ATF6: variants seen among roughly 807,000 people sequenced by gnomAD.
ATF6 encodes activating transcription factor 6.
ATF6 carries 53 observed loss-of-function variants against 83.6 expected under a neutral mutation model. The observed-to-expected ratio is 0.63, with a 90% CI of 0.51 to 0.80. ATF6 has a LOEUF of 0.80. Ranked by LOEUF, ATF6 falls within the 30% of genes least tolerant of loss-of-function variation. The pLI is 0.00. For missense variants in ATF6, 744 were observed against 797.9 expected (o/e 0.93, Z 0.81); for synonymous variants, 288 against 285.8 (o/e 1.01, Z -0.08).
intron 6 of ATF6, among the ~76,000 whole-genome samples, chr1:161,801,382 T>C (rs12402256): frequency 0.1 from 14,437 of 140,276 alleles, 1,010 homozygotes; most frequent in East Asian, 0.28. Flanking sequence ...TTTTTTTTTT[T>C]GTCCTTTTTA....
At chr1:161,861,356 A>G (rs933227760) in intron 13 of ATF6, among the ~76,000 whole-genome samples, 1 of 152,202 alleles carries the variant, frequency 6.6e-6, no homozygotes, top group Non-Finnish European at 1.5e-5. Flanking sequence ...CATTATACTA[A>G]TAACTGAGAA....
intron 2 of ATF6, among the ~76,000 whole-genome samples, chr1:161,779,240 A>G (rs1413340587): frequency 6.6e-6 from 1 of 152,258 alleles, no homozygotes; most frequent in Admixed American, 6.5e-5. Context: ...ACTGATACTC[A>G]TATTTCATAA....
intron 7 of ATF6, among the ~76,000 whole-genome samples, chr1:161,810,972 A>T (rs1685440445): frequency 6.6e-6 from 1 of 152,096 alleles, no homozygotes; most frequent in South Asian, 2.1e-4. Context: ...ATATTCTATT[A>T]TATGGATATA....
chr1:161,768,337 C>G (rs1684314575), intron 1 of ATF6, among the ~76,000 whole-genome samples: 1 of 152,228 alleles, frequency 6.6e-6, no homozygotes, highest in Non-Finnish European at 1.5e-5. Context: ...CCTGCCCTGT[C>G]CCTCCCTGAA....
At chr1:161,791,872 T>C (rs1422086270) in intron 5 of ATF6, among the ~76,000 whole-genome samples, 1 of 152,234 alleles carries the variant, frequency 6.6e-6, no homozygotes, top group Non-Finnish European at 1.5e-5. Context: ...CCCGTGATTT[T>C]AGCAATTCTC....
intron 7 of ATF6, among the ~76,000 whole-genome samples, chr1:161,816,250 C>A (rs1024503516): frequency 1.3e-5 from 2 of 152,196 alleles, no homozygotes; most frequent in African/African-American, 4.8e-5. Context: ...GCCAGCTGTT[C>A]GCTTATTTCA....
chr1:161,777,485 A>G (rs752395441), intron 1 of ATF6, among the ~76,000 whole-genome samples: 7 of 152,246 alleles, frequency 4.6e-5, no homozygotes, highest in Non-Finnish European at 7.3e-5. Context: ...TAAAATAGGT[A>G]GAGAGTACAA....
chr1:161,841,902 A>G (rs1686366088), intron 9 of ATF6, among the ~76,000 whole-genome samples: 1 of 152,168 alleles, frequency 6.6e-6, no homozygotes. Flanking sequence ...TACAGATGGG[A>G]TAGACTACAA....
At chr1:161,832,219 T>C (rs1048373312) in intron 9 of ATF6, among the ~76,000 whole-genome samples, 3 of 151,740 alleles carry the variant, frequency 2.0e-5, no homozygotes, top group African/African-American at 7.3e-5. Context: ...TGAAAAAAAA[T>C]CTGGAAATAA....
At chr1:161,787,531 A>G (rs1009920423) in intron 4 of ATF6, among the ~76,000 whole-genome samples, 181 of 152,224 alleles carry the variant, frequency 1.2e-3, no homozygotes, top group African/African-American at 4.1e-3. Context: ...GCCGCCTGCC[A>G]TATCAGTGCC....
chr1:161,879,483 A>C (rs1687282009), intron 14 of ATF6, among the ~76,000 whole-genome samples: 1 of 152,152 alleles, frequency 6.6e-6, no homozygotes, highest in South Asian at 2.1e-4. Context: ...TATAATTACA[A>C]TATGGTGTGA....
At chr1:161,911,902 T>C (rs1188835873) in intron 14 of ATF6, among the ~76,000 whole-genome samples, 2 of 152,202 alleles carry the variant, frequency 1.3e-5, no homozygotes, top group Admixed American at 1.3e-4. Flanking sequence ...GCCCCCATCA[T>C]TTTACAGGAC....
At chr1:161,927,402 C>T (rs539221787) in intron 15 of ATF6, among the ~76,000 whole-genome samples, 1 of 152,292 alleles carries the variant, frequency 6.6e-6, no homozygotes, top group African/African-American at 2.4e-5. Context: ...CTCCTGGGCT[C>T]AAGCAATCCT....
chr1:161,802,235 C>G lies in ATF6; in HGVS notation c.872C>G (p.Pro291Arg), dbSNP rs1293390936. The G allele has an allele frequency of 5.6e-6, 9 of 1,614,048 alleles. No homozygotes were observed. The highest frequency in any genetic ancestry group is 7.6e-6 in the Non-Finnish European group (9 of 1,179,974). ...AATGGAAAACTTTCCGTGACTAAAC[C>G]TGTCCTACAAAGTACCATGAGAAAT... Reference protein sequence around the residue: ...PVNGKLSVTKPVLQSTMRNVG... With the variant: ...PVNGKLSVTKRVLQSTMRNVG... Residue 291 changes from proline (P) to arginine (R), a missense_variant, in exon 7 of 16, where the codon CCT (proline) becomes CGT (arginine). Pro to Arg is a moderately radical substitution (Grantham distance 103). Transcript: ENST00000367942.
chr1:161,940,910 C>G (rs1688630053), intron 15 of ATF6, among the ~76,000 whole-genome samples: 1 of 152,112 alleles, frequency 6.6e-6, no homozygotes, highest in African/African-American at 2.4e-5. Flanking sequence ...AGGTAGGCAC[C>G]TTCCTCTTTA....
At chr1:161,922,501 A>C (rs1688230951) in intron 15 of ATF6, among the ~76,000 whole-genome samples, 1 of 152,148 alleles carries the variant, frequency 6.6e-6, no homozygotes, top group Non-Finnish European at 1.5e-5. Context: ...AAAAATTAAC[A>C]ACCCAAACAA....
chr1:161,880,501 A>G (rs1687299866), intron 14 of ATF6, among the ~76,000 whole-genome samples: 1 of 152,058 alleles, frequency 6.6e-6, no homozygotes, highest in Non-Finnish European at 1.5e-5. Flanking sequence ...ACTACAAATT[A>G]GTTTATAGTT....
rs140870005 is a variant in ATF6, at chr1:161,866,539, C to T, written c.1719+3227C>T. ...TTTACCACCAACATAGTAATCTATTCGGCTTTCTTTGCTTAGTTCCAGTTA... is the reference window on the plus strand; with the variant it reads ...TTTACCACCAACATAGTAATCTATTTGGCTTTCTTTGCTTAGTTCCAGTTA... On this transcript the variant is annotated intron_variant, in intron 14 of 15. Transcript: ENST00000367942. 6.8e-4 allele frequency among the ~76,000 whole-genome samples: 103 copies of T among 152,272 alleles called. No homozygotes were observed. The South Asian group carries it at 9.1e-3, about 13-fold the overall frequency.
intron 7 of ATF6, among the ~76,000 whole-genome samples, chr1:161,811,758 ACCAT>A (rs373415832): frequency 0.015 from 2,082 of 137,440 alleles, 50 homozygotes; most frequent in African/African-American, 0.048. Flanking sequence ...CCACCATCCA[ACCAT>A]CCATCCATCC....
Sources: gnomAD v4.1 joint callset for allele counts (sites outside exome capture counted in the v4.1 genomes callset) on GRCh38, gnomAD v4.1.1 for gene constraint, MANE v1.5 for transcripts, NCBI Gene and HGNC (gene_info 2026-07-23, HGNC 2026-07-21) for gene names.